The following CGNL1 variants were observed in gnomAD, a reference collection of about 807,000 sequenced individuals.
CGNL1 encodes cingulin-like protein 1.
In CGNL1, 132 loss-of-function variants were observed where a neutral mutation model predicts 141.2. That is an observed-to-expected ratio of 0.93 (90% CI 0.81 to 1.08). The LOEUF is 1.08. Among genes scored for constraint, CGNL1 ranks in the 50% least tolerant of loss-of-function variants. The pLI, the probability that CGNL1 is intolerant of heterozygous loss-of-function variation, is 0.00. For missense variants in CGNL1, 1,870 were observed against 1,588.6 expected (o/e 1.18, Z -3.01); for synonymous variants, 690 against 622.1 (o/e 1.11, Z -1.63).
Position 57,548,512 on chromosome 15 carries a change from A to G in CGNL1, c.*1022A>G. 1 of 152,270 alleles carries G rather than the reference A, an allele frequency of 6.6e-6. No homozygotes were observed. Among genetic ancestry groups the G allele is most frequent in the East Asian group, 1.9e-4 (1 of 5,202 alleles). The allele number at this position is 152,270 out of a possible 1,614,324, so 9.4% of individuals were successfully genotyped here. On this transcript the variant is annotated 3_prime_UTR_variant, in exon 19 of 19. Transcript: ENST00000281282. Reference sequence around the variant, plus strand: ...TAAACAAGTCACTGGCACAGGGGAAAGCCAGAAGGTTGCTTGTGTCTGTGA... The same window carrying G: ...TAAACAAGTCACTGGCACAGGGGAAGGCCAGAAGGTTGCTTGTGTCTGTGA...
chr15:57,453,360 T>G (rs1479466438), intron 6 of CGNL1, among the ~76,000 whole-genome samples: 1 of 152,130 alleles, frequency 6.6e-6, no homozygotes, highest in Admixed American at 6.5e-5. Context: ...AGTGGGAAAT[T>G]TTTCTGTTTC....
Position 57,439,371 on chromosome 15 carries a change from C to A in CGNL1, c.1372C>A (p.His458Asn), listed in dbSNP as rs2063154262. Residue 458 changes from histidine (H) to asparagine (N), a missense_variant, in exon 2 of 19, where the codon CAC (histidine) becomes AAC (asparagine). Coordinates refer to ENST00000281282, the MANE Select transcript of CGNL1 (RefSeq NM_032866.5). The stretch of plus-strand genomic sequence containing the variant: ...AGCAGCGCACGGGGCTTCATGTGCC[C>A]ACTCCAGGCCTCCCCAGCCGAACAT... ...QGAAHGASCAHSRPPQPNIDG... is the reference protein window; with the variant it reads ...QGAAHGASCANSRPPQPNIDG... The A allele has an allele frequency of 6.2e-7, 1 of 1,614,022 alleles. No homozygotes were observed. Among genetic ancestry groups the A allele is most frequent in the Non-Finnish European group, 8.5e-7 (1 of 1,180,036 alleles).
chr15:57,437,648 A>G, intron 1 of CGNL1, among the ~76,000 whole-genome samples: 1 of 138,002 alleles, frequency 7.2e-6, no homozygotes, highest in Non-Finnish European at 1.6e-5. Flanking sequence ...AAAAAAAAAA[A>G]AGGCAACCAG....
chr15:57,495,012 C>A (rs547188403), intron 8 of CGNL1, among the ~76,000 whole-genome samples: 1 of 152,178 alleles, frequency 6.6e-6, no homozygotes, highest in Non-Finnish European at 1.5e-5. Flanking sequence ...GTTTTCATCA[C>A]CTCTACTGGA....
intron 8 of CGNL1, among the ~76,000 whole-genome samples, chr15:57,494,395 C>G (rs1217468281): frequency 6.6e-6 from 1 of 152,144 alleles, no homozygotes; most frequent in Non-Finnish European, 1.5e-5. Context: ...CTGTTGAAAT[C>G]CAGGCTGTGA....
intron 14 of CGNL1, among the ~76,000 whole-genome samples, chr15:57,534,354 C>T (rs550201786): frequency 1.3e-5 from 2 of 152,296 alleles, no homozygotes; most frequent in South Asian, 2.1e-4. Flanking sequence ...GAAACAGAAA[C>T]GCTGATGTCT....
intron 1 of CGNL1, among the ~76,000 whole-genome samples, chr15:57,408,049 GA>G (rs1319582492): frequency 6.6e-6 from 1 of 151,758 alleles, no homozygotes; most frequent in African/African-American, 2.4e-5. Context: ...GTTACCAGCA[GA>G]AAAAAAATTA....
chr15:57,498,490 C>T (rs2063976194), intron 8 of CGNL1, among the ~76,000 whole-genome samples: 1 of 152,074 alleles, frequency 6.6e-6, no homozygotes, highest in Admixed American at 6.5e-5. Context: ...CAGGTATGAG[C>T]CCCTGTGCCC....
At chr15:57,535,712 G>A (rs553549604) in intron 14 of CGNL1, among the ~76,000 whole-genome samples, 108 of 152,320 alleles carry the variant, frequency 7.1e-4, no homozygotes, top group Middle Eastern at 3.4e-3. Flanking sequence ...AAGGCAGTGG[G>A]CAGCCATCGA....
chr15:57,488,973 C>T (rs149233898), intron 8 of CGNL1, among the ~76,000 whole-genome samples: 2 of 152,342 alleles, frequency 1.3e-5, no homozygotes, highest in Admixed American at 6.5e-5. Context: ...CCTCTCACAA[C>T]AGCCTGTCTA....
At chr15:57,380,403 T>C (rs2062411497) in intron 1 of CGNL1, among the ~76,000 whole-genome samples, 1 of 152,174 alleles carries the variant, frequency 6.6e-6, no homozygotes, top group African/African-American at 2.4e-5. Flanking sequence ...ATAAGGTTCC[T>C]GCCTTAAGGG....
At chr15:57,380,343 C>T (rs2062411053) in intron 1 of CGNL1, among the ~76,000 whole-genome samples, 1 of 152,078 alleles carries the variant, frequency 6.6e-6, no homozygotes, top group Non-Finnish European at 1.5e-5. Flanking sequence ...TGTTAGTAGC[C>T]CCTGTTACTA....
chr15:57,479,080 G>A (rs1460864906), intron 8 of CGNL1, among the ~76,000 whole-genome samples: 2 of 152,188 alleles, frequency 1.3e-5, no homozygotes, highest in East Asian at 3.9e-4. Context: ...AGCTCTCCAG[G>A]AAGGTGCAAG....
chr15:57,534,786 C>T (rs979952307), intron 14 of CGNL1, among the ~76,000 whole-genome samples: 2 of 152,154 alleles, frequency 1.3e-5, no homozygotes, highest in Non-Finnish European at 2.9e-5. Flanking sequence ...TAACATCGGC[C>T]CTGCCTTCCT....
At chr15:57,382,950 T>C (rs1415617153) in intron 1 of CGNL1, among the ~76,000 whole-genome samples, 1 of 152,224 alleles carries the variant, frequency 6.6e-6, no homozygotes, top group Non-Finnish European at 1.5e-5. Context: ...TTCTAGTATA[T>C]CTTATGAACT....
intron 18 of CGNL1, 137 bp downstream of exon 18, chr15:57,546,376 A>G (rs1399020600): frequency 1.8e-6 from 2 of 1,083,766 alleles, no homozygotes; most frequent in African/African-American, 3.2e-5. Flanking sequence ...TATCTTAGAG[A>G]TGAAGGTGGC....
chr15:57,405,772 C>CTTTCTT (rs1555430993), intron 1 of CGNL1, among the ~76,000 whole-genome samples: 3 of 123,390 alleles, frequency 2.4e-5, no homozygotes, highest in Admixed American at 8.6e-5. Flanking sequence ...TTCTTTCTTT[C>CTTTCTT]TCTTTCTTTC....
intron 4 of CGNL1, among the ~76,000 whole-genome samples, chr15:57,447,585 G>A (rs111591076): frequency 1.2e-3 from 178 of 152,178 alleles, no homozygotes; most frequent in African/African-American, 3.8e-3. Context: ...TGACTATGAC[G>A]TGCCTAAGAG....
chr15:57,408,117 T>TA (rs1418283948), intron 1 of CGNL1, among the ~76,000 whole-genome samples: 3 of 152,120 alleles, frequency 2.0e-5, no homozygotes, highest in Non-Finnish European at 4.4e-5. Flanking sequence ...AGTTAGGAGT[T>TA]AAGTGACCTG....
Sources: allele counts gnomAD v4.1 joint callset (sites outside exome capture counted in the v4.1 genomes callset), GRCh38; gene constraint gnomAD v4.1.1; transcripts MANE v1.5; gene names NCBI Gene and HGNC (gene_info 2026-07-23, HGNC 2026-07-21).